The following RXRB variants were observed in gnomAD, a reference collection of about 807,000 sequenced individuals.
The protein encoded by RXRB is retinoic acid receptor RXR-beta.
A neutral mutation model predicts 52.5 loss-of-function variants in RXRB; 18 were observed. That is an observed-to-expected ratio of 0.34 (90% CI 0.24 to 0.51). The LOEUF (loss-of-function observed/expected upper bound fraction) is 0.51. Ranked by LOEUF, RXRB falls within the 20% of genes least tolerant of loss-of-function variation. RXRB has a pLI of 0.97. For missense variants in RXRB, 455 were observed against 698.2 expected (o/e 0.65, Z 3.92); for synonymous variants, 233 against 267.1 (o/e 0.87, Z 1.25).
Position 33,196,736 on chromosome 6 carries a change from A to C in RXRB, c.821-130T>G. The C allele has an allele frequency of 1.2e-6, 1 of 852,460 alleles. No individual in the cohort carries two copies. The highest frequency in any genetic ancestry group is 1.8e-6 in the Non-Finnish European group (1 of 560,736). 52.8% of individuals were successfully genotyped at this position (852,460 alleles called of 1,614,324 possible). A position where few individuals can be genotyped will look rare whatever the true frequency, so the allele number is the denominator to read the frequency against. On this transcript the variant is annotated intron_variant, in intron 4 of 9. Coordinates refer to ENST00000374680, the MANE Select transcript of RXRB (RefSeq NM_021976.5). The surrounding 1 kb of genome is among the most constrained non-coding windows in gnomAD (Gnocchi z 4.0). ...GATATTTATAGGAATTGGGGAAGTC[A>C]CTAGAAAGGGTGGACTGGGGGCAGC...
intron 2 of RXRB, among the ~76,000 whole-genome samples, chr6:33,198,930 A>C (rs972127892): frequency 4.0e-5 from 6 of 150,834 alleles, no homozygotes; most frequent in African/African-American, 9.8e-5. Context: ...AAAAAAAAAA[A>C]AAAACACACA....
intron 2 of RXRB, 49 bp downstream of exon 2, chr6:33,199,120 A>T: frequency 7.9e-7 from 1 of 1,267,326 alleles, no homozygotes; most frequent in African/African-American, 1.5e-5. Context: ...TTACAAGGAA[A>T]ACAAGAAAAT....
chr6:33,195,850 C>A lies in RXRB; in HGVS notation c.1123+57G>T. 2 of 1,605,030 alleles carry A rather than the reference C, an allele frequency of 1.2e-6. No individual in the cohort carries two copies. The highest frequency in any genetic ancestry group is 2.2e-5 in the East Asian group (1 of 44,822). ...TAAGGCCACTGGGGTCACTAAAGATCGGGAAGTCAAAGAGGGGTCAAATGT... is the reference window on the plus strand; with the variant it reads ...TAAGGCCACTGGGGTCACTAAAGATAGGGAAGTCAAAGAGGGGTCAAATGT... On this transcript the variant is annotated intron_variant, in intron 6 of 9. Transcript: ENST00000374680. The surrounding 1 kb of genome is among the most constrained non-coding windows in gnomAD (Gnocchi z 8.6).
chr6:33,196,352 A>G lies in RXRB; in HGVS notation c.993+82T>C. The G allele has an allele frequency of 7.3e-7, 1 of 1,367,108 alleles. No individual in the cohort carries two copies. The highest frequency in any genetic ancestry group is 1.2e-5 in the South Asian group (1 of 86,244). 84.7% of individuals were successfully genotyped at this position (1,367,108 alleles called of 1,614,324 possible). ...GTTAGGAAGGTTATGAGGGGAAAGGAGGGGGAGGGGATGTAGAACAGACCT... is the reference window on the plus strand; with the variant it reads ...GTTAGGAAGGTTATGAGGGGAAAGGGGGGGGAGGGGATGTAGAACAGACCT... On this transcript the variant is annotated intron_variant, in intron 5 of 9. Coordinates refer to ENST00000374680, the MANE Select transcript of RXRB (RefSeq NM_021976.5). This position sits in a 1 kb window ranked among gnomAD's most constrained non-coding sequence, Gnocchi z 4.0.
At position 33,200,319 on chromosome 6, in the gene RXRB, A is replaced by ACCGCCG. The variant is rs758231993; in HGVS notation, c.152_157dup (p.Ala51_Ala52dup). On this transcript the variant is annotated inframe_insertion, in exon 1 of 10. Transcript: ENST00000374680. This position sits in a 1 kb window ranked among gnomAD's most constrained non-coding sequence, Gnocchi z 6.3. Reference sequence around the variant, plus strand: ...CGGGGTTTGTTGTTCTCCGCCTGCCACCGCCGCCGCCGCCGCCGCTGCGGG... The same window carrying ACCGCCG: ...CGGGGTTTGTTGTTCTCCGCCTGCCACCGCCGCCGCCGCCGCCGCCGCCGCTGCGGG... 2.8e-5 allele frequency: 45 copies of ACCGCCG among 1,589,102 alleles called. No homozygotes were observed. Among genetic ancestry groups the ACCGCCG allele is most frequent in the Non-Finnish European group, 3.5e-5 (41 of 1,171,718 alleles).
At position 33,200,298 on chromosome 6, in the gene RXRB, G is replaced by A. The variant is rs1774384550; in HGVS notation, c.179C>T (p.Thr60Ile). The change falls in exon 1 of 10, where the codon ACC becomes ATC. Residue 60 changes from threonine to isoleucine, a missense_variant. Around this residue, in one of 4 missense-constraint regions of RXRB, gnomAD observed 225 missense variants for 258.6 expected, o/e 0.87. Transcript: ENST00000374680. This position sits in a 1 kb window ranked among gnomAD's most constrained non-coding sequence, Gnocchi z 6.3. ...AAAVAGGEQQ[T>I]PEPEPGEAGR... is the part of the protein sequence containing the mutation. ...AGCCTCCCCTGGCTCCGGCTCCGGG[G>A]TTTGTTGTTCTCCGCCTGCCACCGC... 4 of 1,602,310 alleles carry A rather than the reference G, an allele frequency of 2.5e-6. No individual in the cohort carries two copies. The highest frequency in any genetic ancestry group is 3.4e-6 in the Non-Finnish European group (4 of 1,177,500).
Position 33,200,511 on chromosome 6 carries a change from C to T in RXRB, c.-35G>A. The stretch of plus-strand genomic sequence containing the variant: ...CTGAGAGTAGGGATACCGAAGAGGT[C>T]CCAGGGATTCCCAAGGATTGATCGG... On this transcript the variant is annotated 5_prime_UTR_variant, in exon 1 of 10. Transcript: ENST00000374680. The surrounding 1 kb of genome is among the most constrained non-coding windows in gnomAD (Gnocchi z 6.3). The T allele has an allele frequency of 6.4e-7, 1 of 1,553,252 alleles. No individual in the cohort carries two copies. Among genetic ancestry groups the T allele is most frequent in the Non-Finnish European group, 8.7e-7 (1 of 1,151,496 alleles).
Position 33,196,902 on chromosome 6 carries a change from G to GA in RXRB, c.821-297dup, listed in dbSNP as rs368828898. ...AAGATTCAACCTGAGAAAGCTGATT[G>GA]AAAAAAAAAATTTTTTTAAATAAAA... On this transcript the variant is annotated intron_variant, in intron 4 of 9. Transcript: ENST00000374680. The surrounding 1 kb of genome is among the most constrained non-coding windows in gnomAD (Gnocchi z 4.0). Among the ~76,000 whole-genome samples, 2 of 150,970 alleles carry GA rather than the reference G, an allele frequency of 1.3e-5. No individual in the cohort carries two copies. Among genetic ancestry groups the GA allele is most frequent in the African/African-American group, 2.4e-5 (1 of 41,118 alleles).
chr6:33,194,962 G>A lies in RXRB; in HGVS notation c.1437C>T (p.Tyr479=). Residue 479 remains tyrosine, a synonymous_variant, in exon 9 of 10, where the codon TAC becomes TAT. Coordinates refer to ENST00000374680, the MANE Select transcript of RXRB (RefSeq NM_021976.5). The surrounding 1 kb of genome is among the most constrained non-coding windows in gnomAD (Gnocchi z 4.1). ...CATCTCACCGTCCCTGCTGCTCAGG[G>A]TACTTCTGTTTGCAGTAGGTCTCCA... is the stretch of plus-strand genomic sequence containing the variant. The part of the protein sequence containing the change: ...ASLETYCKQK[Y]PEQQGRFAKL... 6.2e-7 allele frequency: 1 copy of A among 1,612,778 alleles called. No individual in the cohort carries two copies. The highest frequency in any genetic ancestry group is 8.5e-7 in the Non-Finnish European group (1 of 1,179,910).
upstream of RXRB, chr6:33,200,723 C>T: frequency 6.5e-7 from 1 of 1,546,274 alleles, no homozygotes; most frequent in African/African-American, 1.4e-5. The surrounding 1 kb of genome is among the most constrained non-coding windows in gnomAD (Gnocchi z 6.3). Flanking sequence ...AGGCGGTCTC[C>T]TCCGGCCTGT....
chr6:33,199,154 G>C lies in RXRB; in HGVS notation c.483+15C>G. 2 of 1,296,570 alleles carry C rather than the reference G, an allele frequency of 1.5e-6. No individual in the cohort carries two copies. The highest frequency in any genetic ancestry group is 2.0e-6 in the Non-Finnish European group (2 of 1,016,496). 80.3% of individuals were successfully genotyped at this position (1,296,570 alleles called of 1,614,324 possible). A position where few individuals can be genotyped will look rare whatever the true frequency, so the allele number is the denominator to read the frequency against. On this transcript the variant is annotated intron_variant, in intron 2 of 9. Transcript: ENST00000374680. ...ATGAAAGTGGCCAGGCAGTAAGTTG[G>C]TCACAACCTCTCACCTGGGGGCTGC...
Position 33,195,112 on chromosome 6 carries a change from G to T in RXRB, c.1349-62C>A. The T allele has an allele frequency of 8.3e-7, 1 of 1,205,022 alleles. No individual in the cohort carries two copies. The highest frequency in any genetic ancestry group is 2.3e-5 in the East Asian group (1 of 42,902). 74.6% of individuals were successfully genotyped at this position (1,205,022 alleles called of 1,614,324 possible). On this transcript the variant is annotated intron_variant, in intron 8 of 9. Transcript: ENST00000374680. The surrounding 1 kb of genome is among the most constrained non-coding windows in gnomAD (Gnocchi z 8.6). Reference sequence around the variant, plus strand: ...AGACAAACCAAATCAGGATGGCCATGCAGATGTGAGCCACAGGATGCCCCT... The same window carrying T: ...AGACAAACCAAATCAGGATGGCCATTCAGATGTGAGCCACAGGATGCCCCT...
chr6:33,200,597 T>G lies in RXRB; in HGVS notation c.-121A>C, dbSNP rs1774437996. On this transcript the variant is annotated 5_prime_UTR_variant, in exon 1 of 10. Transcript: ENST00000374680. This position sits in a 1 kb window ranked among gnomAD's most constrained non-coding sequence, Gnocchi z 6.3. Reference sequence around the variant, plus strand: ...AGACTCTGGCCTGGATTGGGTCGAATTAAGCCCGTCGCTCTGCTCAGTACC... The same window carrying G: ...AGACTCTGGCCTGGATTGGGTCGAAGTAAGCCCGTCGCTCTGCTCAGTACC... 3 of 1,491,440 alleles carry G rather than the reference T, an allele frequency of 2.0e-6. No homozygotes were observed. The East Asian group carries it at 7.4e-5, about 37-fold the overall frequency. 92.4% of individuals were successfully genotyped at this position (1,491,440 alleles called of 1,614,324 possible).
Position 33,194,774 on chromosome 6 carries a change from G to C in RXRB, c.1510C>G (p.Leu504Val). ...AGCTTGAAGAAAAACAGATGCTCTA[G>C]ACACTTAAGGCCAATGGACCGGAGG... The part of the protein sequence containing the change: ...PALRSIGLKC[L>V]EHLFFFKLIG... The change falls in exon 10 of 10, where the codon CTA (leucine) becomes GTA (valine). Residue 504 changes from leucine to valine, a missense_variant. Physicochemically the swap from Leu to Val is conservative, Grantham distance 32 (BLOSUM62 1). This residue lies in a region of RXRB where 115 missense variants were observed against 253.1 expected (regional missense o/e 0.45). Coordinates refer to ENST00000374680, the MANE Select transcript of RXRB (RefSeq NM_021976.5). The surrounding 1 kb of genome is among the most constrained non-coding windows in gnomAD (Gnocchi z 4.1). The C allele has an allele frequency of 6.2e-7, 1 of 1,613,104 alleles. No homozygotes were observed. The highest frequency in any genetic ancestry group is 8.5e-7 in the Non-Finnish European group (1 of 1,180,008).
In RXRB at chr6:33,197,815, CG is replaced by C. The variant is rs1204257758; in HGVS notation, c.766del (p.Arg256AlafsTer15). The C allele has an allele frequency of 6.2e-7, 1 of 1,613,864 alleles. No homozygotes were observed. Among genetic ancestry groups the C allele is most frequent in the African/African-American group, 1.3e-5 (1 of 74,940 alleles). On this transcript the variant is annotated frameshift_variant, in exon 4 of 10. Transcript: ENST00000374680. LOFTEE classifies it high-confidence loss of function. This position sits in a 1 kb window ranked among gnomAD's most constrained non-coding sequence, Gnocchi z 4.4. ...CTTCTGATAGCGGCAGTACTGACAG[CG>C]GTTCCGCTGGCGCTTGTCCACTGTG... ...DCTVDKRQRNRCQYCRYQKCL... is the reference protein window; with the variant it reads ...DCTVDKRQRNXCQYCRYQKCL...
rs1289756198 is a variant in RXRB, at chr6:33,200,547, G to A, written c.-71C>T. 6.6e-7 allele frequency: 1 copy of A among 1,508,634 alleles called. No individual in the cohort carries two copies. The highest frequency in any genetic ancestry group is 8.9e-7 in the Non-Finnish European group (1 of 1,129,016). 93.5% of individuals were successfully genotyped at this position (1,508,634 alleles called of 1,614,324 possible). On this transcript the variant is annotated 5_prime_UTR_variant, in exon 1 of 10. Transcript: ENST00000374680. This position sits in a 1 kb window ranked among gnomAD's most constrained non-coding sequence, Gnocchi z 6.3. The stretch of plus-strand genomic sequence containing the variant: ...CCAAGGATTGATCGGAGGATTAGCT[G>A]AGCACGAGGAAGCCCCTGAGAGAAA...
chr6:33,199,411 G>C lies in RXRB; in HGVS notation c.241C>G (p.Arg81Gly). ...TTTGGGGAGGAGCTGTCTGGGCTTC[G>C]GGAGTCTGAGGGAGGGGTATGTACA... ...DGMGDSGRDS[R>G]SPDSSSPNPL... Residue 81 changes from arginine to glycine, a missense_variant, in exon 2 of 10, where the codon CGA becomes GGA. Physicochemically the swap from Arg to Gly is moderately radical, Grantham distance 125. Transcript: ENST00000374680. 4 of 1,252,972 alleles carry C rather than the reference G, an allele frequency of 3.2e-6. No homozygotes were observed. The highest frequency in any genetic ancestry group is 1.0e-6 in the Non-Finnish European group (1 of 990,600). The allele number at this position is 1,252,972 out of a possible 1,614,324, so 77.6% of individuals were successfully genotyped here.
rs560042135 is a variant in RXRB, at chr6:33,194,021, T to C, written c.*661A>G. ...CAACCTGGGAAAGTACAGTACTTCT[T>C]TGAGTCTAACTGCAAGTCTCTATCC... is the stretch of plus-strand genomic sequence containing the variant. On this transcript the variant is annotated 3_prime_UTR_variant, in exon 10 of 10. Transcript: ENST00000374680. The surrounding 1 kb of genome is among the most constrained non-coding windows in gnomAD (Gnocchi z 4.1). 6.6e-6 allele frequency: 1 copy of C among 152,426 alleles called. No homozygotes were observed. The highest frequency in any genetic ancestry group is 2.4e-5 in the African/African-American group (1 of 41,590). The allele number at this position is 152,426 out of a possible 1,614,324, so 9.4% of individuals were successfully genotyped here.
chr6:33,195,301 CGGA>C lies in RXRB; in HGVS notation c.1348+59_1348+61del, dbSNP rs1773814999. 1 of 1,066,282 alleles carries C rather than the reference CGGA, an allele frequency of 9.4e-7. No homozygotes were observed. The highest frequency in any genetic ancestry group is 1.6e-5 in the African/African-American group (1 of 64,504). The allele number at this position is 1,066,282 out of a possible 1,614,324, so 66.1% of individuals were successfully genotyped here. On this transcript the variant is annotated intron_variant, in intron 8 of 9. Coordinates refer to ENST00000374680, the MANE Select transcript of RXRB (RefSeq NM_021976.5). The surrounding 1 kb of genome is among the most constrained non-coding windows in gnomAD (Gnocchi z 8.6). ...GGATAGCTGGGTAACTTAGGAGTCT[CGGA>C]GAAGAGGAGGCTCCAAGGTTGCCTT...
Sources: allele counts gnomAD v4.1 joint callset (sites outside exome capture counted in the v4.1 genomes callset), GRCh38; gene constraint gnomAD v4.1.1; regional missense constraint gnomAD v4.1.1; non-coding constraint Gnocchi (gnomAD v3.1); transcripts MANE v1.5; gene names NCBI Gene and HGNC (gene_info 2026-07-23, HGNC 2026-07-21).